Variants in SVOPL observed in about 807,000 individuals in gnomAD.
SVOPL encodes the protein putative transporter SVOPL.
SVOPL carries 60 observed loss-of-function variants against 61.0 expected under a neutral mutation model. The observed-to-expected ratio is 0.98, with a 90% CI of 0.80 to 1.22. The LOEUF (loss-of-function observed/expected upper bound fraction) is 1.22, where lower values mean the gene tolerates loss of function less well. SVOPL is among the 50% of genes most tolerant of loss of function. The pLI is 0.00. For missense variants in SVOPL, 662 were observed against 643.9 expected (o/e 1.03, Z -0.30); for synonymous variants, 279 against 250.0 (o/e 1.12, Z -1.09).
At chr7:138,701,022 GTGTGTGA>G (rs58067225) in intron 1 of SVOPL, among the ~76,000 whole-genome samples, 149 bp downstream of exon 1, 8,874 of 152,116 alleles carry the variant, frequency 0.058, 415 homozygotes, top group African/African-American at 0.13. Context: ...ACTGAGTTTT[GTGTGTGA>G]TGTGTGATGT....
rs1402101370 is a variant in SVOPL, at chr7:138,628,126, C to G, written c.1069+32G>C. On this transcript the variant is annotated intron_variant, in intron 11 of 15. Transcript: ENST00000674285. ...TCAAGTGCACATAGACCACCCAAGA[C>G]AGAGAGACCCAACACGCAGAGGGAC... 1.9e-6 allele frequency: 3 copies of G among 1,613,376 alleles called. No homozygotes were observed. In the East Asian group the frequency reaches 6.7e-5, roughly 36 times the overall value.
chr7:138,637,203 G>C (rs1036464511), intron 9 of SVOPL, among the ~76,000 whole-genome samples: 3 of 152,084 alleles, frequency 2.0e-5, no homozygotes, highest in Non-Finnish European at 4.4e-5. Flanking sequence ...TGAGGTGGGT[G>C]TATCACTTGA....
In SVOPL at chr7:138,594,521, A is replaced by G. The variant is rs1023723036; in HGVS notation, c.*89T>C. The G allele has an allele frequency of 4.7e-6, 6 of 1,283,808 alleles. No homozygotes were observed. In the African/African-American group the frequency reaches 9.0e-5, roughly 19 times the overall value. 79.5% of individuals were successfully genotyped at this position (1,283,808 alleles called of 1,614,324 possible). On this transcript the variant is annotated 3_prime_UTR_variant, in exon 16 of 16. Transcript: ENST00000674285. Reference sequence around the variant, plus strand: ...CTTTACTAATTACCGAGTAGCATACAGAAGTAAAACCAAGTTTTAAAAAAA... The same window carrying G: ...CTTTACTAATTACCGAGTAGCATACGGAAGTAAAACCAAGTTTTAAAAAAA...
At chr7:138,660,460 ATAACTCT>A in intron 5 of SVOPL, 1 of 988,190 alleles carries the variant, frequency 1.0e-6, no homozygotes, top group South Asian at 4.6e-5. Context: ...CCCAGAGAAG[ATAACTCT>A]TAACACTGTT....
At chr7:138,683,773 G>C (rs1802748023) in intron 1 of SVOPL, among the ~76,000 whole-genome samples, 1 of 152,034 alleles carries the variant, frequency 6.6e-6, no homozygotes, top group South Asian at 2.1e-4. Flanking sequence ...AAACTCTTTG[G>C]GCGGGCACAA....
Position 138,663,162 on chromosome 7 carries a change from GA to G in SVOPL, c.274-18del. The stretch of plus-strand genomic sequence containing the variant: ...AAACACCATCTGCAAGTGGGAGCGA[GA>G]TAAAACGGTTCTCTAAGCAGGTTTT... On this transcript the variant is annotated intron_variant, in intron 4 of 15. Transcript: ENST00000674285. 6.2e-7 allele frequency: 1 copy of G among 1,611,274 alleles called. No individual in the cohort carries two copies. The highest frequency in any genetic ancestry group is 1.3e-5 in the African/African-American group (1 of 75,018).
intron 8 of SVOPL, chr7:138,645,697 A>G: frequency 6.2e-6 from 1 of 162,334 alleles, no homozygotes; most frequent in Non-Finnish European, 1.4e-5. Flanking sequence ...TAGGGAGAAG[A>G]TTCCAGCAGC....
chr7:138,695,378 G>A (rs1386055111), intron 1 of SVOPL, among the ~76,000 whole-genome samples: 1 of 152,126 alleles, frequency 6.6e-6, no homozygotes, highest in African/African-American at 2.4e-5. Context: ...TGGGTGTGGT[G>A]GAGCCCACCT....
At chr7:138,608,337 A>G (rs1798844437) in intron 14 of SVOPL, among the ~76,000 whole-genome samples, 1 of 152,248 alleles carries the variant, frequency 6.6e-6, no homozygotes, top group African/African-American at 2.4e-5. Context: ...TCATTAGAGT[A>G]ATAAAAAGAA....
rs1803162309 is a variant in SVOPL, at chr7:138,700,310, T to C, written c.-35+868A>G. Among the ~76,000 whole-genome samples, 3 of 149,716 alleles carry C rather than the reference T, an allele frequency of 2.0e-5. 1 individual carries two copies. Among genetic ancestry groups the C allele is most frequent in the African/African-American group, 7.3e-5 (3 of 40,932 alleles). ...GAATGCTGGAAAGGCTGAATTGACATACTCTGTTCTTTGGTTCCGTATGTC... is the reference window on the plus strand; with the variant it reads ...GAATGCTGGAAAGGCTGAATTGACACACTCTGTTCTTTGGTTCCGTATGTC... On this transcript the variant is annotated intron_variant, in intron 1 of 15. Coordinates refer to ENST00000674285, the MANE Select transcript of SVOPL (RefSeq NM_001139456.2).
At chr7:138,674,820 C>T (rs557721491) in intron 3 of SVOPL, among the ~76,000 whole-genome samples, 3 of 150,454 alleles carry the variant, frequency 2.0e-5, no homozygotes, top group East Asian at 3.9e-4. Context: ...CACGCCACTG[C>T]ACTCCAGCCT....
At chr7:138,610,954 T>C (rs1233715741) in intron 14 of SVOPL, among the ~76,000 whole-genome samples, 2 of 152,260 alleles carry the variant, frequency 1.3e-5, no homozygotes, top group Non-Finnish European at 1.5e-5. Flanking sequence ...CTTCACTGAC[T>C]GTGCTCAAGC....
intron 9 of SVOPL, among the ~76,000 whole-genome samples, chr7:138,635,270 C>CA (rs112228411): frequency 0.02 from 2,722 of 138,294 alleles, 80 homozygotes; most frequent in African/African-American, 0.068. Flanking sequence ...AAAACTGTCT[C>CA]AAAAAAAAAA....
At chr7:138,683,702 T>C (rs1271438476) in intron 1 of SVOPL, among the ~76,000 whole-genome samples, 1 of 152,106 alleles carries the variant, frequency 6.6e-6, no homozygotes, top group Non-Finnish European at 1.5e-5. Context: ...TTCCAATGTC[T>C]GATCACTAGT....
At chr7:138,676,899 C>CTT (rs1191279496) in intron 3 of SVOPL, among the ~76,000 whole-genome samples, 454 of 112,750 alleles carry the variant, frequency 4.0e-3, no homozygotes, top group Non-Finnish European at 5.4e-3. Context: ...CTTGGGGTTC[C>CTT]TTTTTTTTTT....
intron 5 of SVOPL, chr7:138,662,785 C>A: frequency 1.7e-6 from 2 of 1,210,044 alleles, no homozygotes; most frequent in African/African-American, 1.5e-5. Context: ...AGCCACTTAG[C>A]GGCCTTCCTT....
chr7:138,602,899 GA>G (rs1798591263), intron 14 of SVOPL, among the ~76,000 whole-genome samples: 1 of 152,134 alleles, frequency 6.6e-6, no homozygotes, highest in Admixed American at 6.5e-5. Flanking sequence ...ACCAAACTTT[GA>G]AAAGGGGGTT....
intron 10 of SVOPL, 87 bp downstream of exon 10, chr7:138,629,962 C>T: frequency 9.6e-7 from 1 of 1,047,100 alleles, no homozygotes. Flanking sequence ...TGTTTTTCTC[C>T]CCAGTGGCAC....
intron 13 of SVOPL, among the ~76,000 whole-genome samples, chr7:138,622,058 C>G (rs894955863): frequency 9.9e-4 from 37 of 37,372 alleles, no homozygotes; most frequent in African/African-American, 2.2e-3. Flanking sequence ...ATCTATGTAT[C>G]TATCTATCTA....
Sources: allele counts gnomAD v4.1 joint callset (sites outside exome capture counted in the v4.1 genomes callset), GRCh38; gene constraint gnomAD v4.1.1; transcripts MANE v1.5; gene names NCBI Gene and HGNC (gene_info 2026-07-23, HGNC 2026-07-21).